The following GPC5 variants were observed in gnomAD, a reference collection of about 807,000 sequenced individuals.
GPC5 encodes the protein glypican-5.
In GPC5, 47 loss-of-function variants were observed where a neutral mutation model predicts 53.9. The ratio of observed to expected loss-of-function variants is 0.87; its 90% CI spans 0.69 to 1.11. The LOEUF (loss-of-function observed/expected upper bound fraction) is 1.11. Among genes scored for constraint, GPC5 ranks in the 50% most tolerant of loss-of-function variants. The pLI, the probability that GPC5 is intolerant of heterozygous loss-of-function variation, is 0.00. For synonymous variants in GPC5, 286 were observed against 263.3 expected (o/e 1.09, Z -0.84); for missense variants, 748 against 713.1 (o/e 1.05, Z -0.56).
At chr13:91,738,530 A>G (rs1594503469) in intron 4 of GPC5, among the ~76,000 whole-genome samples, 2 of 151,410 alleles carry the variant, frequency 1.3e-5, no homozygotes, top group Non-Finnish European at 2.9e-5. Context: ...TCCTGAAGGT[A>G]GCTGGGCTTA....
chr13:92,231,827 G>T (rs894125754), intron 7 of GPC5, among the ~76,000 whole-genome samples: 1 of 152,000 alleles, frequency 6.6e-6, no homozygotes, highest in African/African-American at 2.4e-5. Flanking sequence ...TTAGCTGGGC[G>T]TGGTGATGGG....
chr13:91,935,356 A>G (rs2039860370), intron 6 of GPC5, among the ~76,000 whole-genome samples: 1 of 151,994 alleles, frequency 6.6e-6, no homozygotes, highest in Non-Finnish European at 1.5e-5. Flanking sequence ...TGATTAAGCC[A>G]TGACTGCAGA....
At chr13:91,579,600 ATTTC>A (rs935773434) in intron 2 of GPC5, among the ~76,000 whole-genome samples, 8 of 125,230 alleles carry the variant, frequency 6.4e-5, no homozygotes, top group African/African-American at 2.3e-4. Context: ...GCATCATAAT[ATTTC>A]TTTCTTTCTT....
intron 5 of GPC5, among the ~76,000 whole-genome samples, chr13:91,823,284 G>T (rs1833199755): frequency 6.6e-6 from 1 of 152,018 alleles, no homozygotes; most frequent in Non-Finnish European, 1.5e-5. Context: ...ATCTGGAAAA[G>T]ATTTATAATA....
intron 2 of GPC5, among the ~76,000 whole-genome samples, chr13:91,670,793 A>G (rs2035226971): frequency 6.6e-6 from 1 of 152,206 alleles, no homozygotes; most frequent in South Asian, 2.1e-4. Context: ...CTTCAGCATT[A>G]CTGTCTCTCT....
At chr13:92,632,553 C>A (rs1218998386) in intron 7 of GPC5, among the ~76,000 whole-genome samples, 1 of 149,556 alleles carries the variant, frequency 6.7e-6, no homozygotes, top group African/African-American at 2.5e-5. Flanking sequence ...TTTATATATT[C>A]CAATTCTGCC....
intron 3 of GPC5, among the ~76,000 whole-genome samples, chr13:91,704,495 A>G (rs980308873): frequency 3.3e-5 from 5 of 152,172 alleles, no homozygotes; most frequent in African/African-American, 1.2e-4. Flanking sequence ...TCAGTATTAC[A>G]TACAGCATCA....
chr13:92,355,980 C>T (rs1490192364), intron 7 of GPC5, among the ~76,000 whole-genome samples: 1 of 148,124 alleles, frequency 6.8e-6, no homozygotes, highest in Non-Finnish European at 1.5e-5. Flanking sequence ...CCTGAATATA[C>T]AAACTCCTTT....
chr13:92,710,347 C>T lies in GPC5; in HGVS notation c.1562-155935C>T, dbSNP rs79792450. Among the ~76,000 whole-genome samples the T allele has an allele frequency of 4.1e-3, 626 of 152,076 alleles. 2 individuals carry two copies. The highest frequency in any genetic ancestry group is 7.1e-3 in the South Asian group (34 of 4,820). The stretch of plus-strand genomic sequence containing the variant: ...TTGAAACAGCCTCCAGATAATTTAC[C>T]ATCCTAATGTGACAGAGAAGAAGAG... On this transcript the variant is annotated intron_variant, in intron 7 of 7. Coordinates refer to ENST00000377067, the MANE Select transcript of GPC5 (RefSeq NM_004466.6).
chr13:91,407,591 T>C (rs1022679875), intron 1 of GPC5, among the ~76,000 whole-genome samples: 1 of 152,224 alleles, frequency 6.6e-6, no homozygotes, highest in Non-Finnish European at 1.5e-5. Flanking sequence ...ATAGTATTTT[T>C]CTAGGAGGAA....
chr13:91,550,908 C>T (rs934239857), intron 2 of GPC5, among the ~76,000 whole-genome samples: 1 of 152,154 alleles, frequency 6.6e-6, no homozygotes, highest in African/African-American at 2.4e-5. Context: ...CGTGACTTTG[C>T]TCCTCATTCA....
intron 7 of GPC5, among the ~76,000 whole-genome samples, chr13:92,660,243 G>A (rs1886289472): frequency 6.6e-6 from 1 of 151,706 alleles, no homozygotes; most frequent in African/African-American, 2.4e-5. Flanking sequence ...CATTCATTTT[G>A]GATGCTTGAT....
At chr13:92,451,710 C>T (rs1052474533) in intron 7 of GPC5, among the ~76,000 whole-genome samples, 7 of 152,084 alleles carry the variant, frequency 4.6e-5, no homozygotes, top group Admixed American at 6.5e-5. Context: ...TAATGGGTGT[C>T]GATAGAGACT....
chr13:92,486,861 A>AT (rs71671851), intron 7 of GPC5, among the ~76,000 whole-genome samples: 93,233 of 148,902 alleles, frequency 0.63, 29,131 homozygotes, highest in East Asian at 0.75. Flanking sequence ...GGGGACAGGG[A>AT]TTTTTTTTTT....
intron 2 of GPC5, among the ~76,000 whole-genome samples, chr13:91,684,414 G>A (rs540401627): frequency 1.3e-5 from 2 of 152,106 alleles, no homozygotes; most frequent in South Asian, 2.1e-4. Flanking sequence ...ACACAAACAC[G>A]GAGCCGGCAT....
intron 7 of GPC5, among the ~76,000 whole-genome samples, chr13:92,357,024 A>G (rs1179137636): frequency 6.6e-6 from 1 of 151,986 alleles, no homozygotes; most frequent in Non-Finnish European, 1.5e-5. Flanking sequence ...AACTCCATCC[A>G]TGTTCCTGCA....
chr13:92,672,983 T>C (rs1013190382), intron 7 of GPC5, among the ~76,000 whole-genome samples: 3 of 152,112 alleles, frequency 2.0e-5, no homozygotes, highest in Non-Finnish European at 2.9e-5. Flanking sequence ...CAAACCCCCA[T>C]GACACAAGTT....
At chr13:91,684,945 A>G (rs934362946) in intron 2 of GPC5, among the ~76,000 whole-genome samples, 5 of 152,106 alleles carry the variant, frequency 3.3e-5, no homozygotes, top group African/African-American at 1.2e-4. Context: ...CCTTCTTTGC[A>G]CCTCGTAACC....
intron 7 of GPC5, among the ~76,000 whole-genome samples, chr13:92,424,928 C>G (rs1876764016): frequency 6.6e-6 from 1 of 152,036 alleles, no homozygotes; most frequent in Non-Finnish European, 1.5e-5. Flanking sequence ...ATAGCTCCTG[C>G]TTCAAAGGGC....
Sources: allele counts gnomAD v4.1 joint callset (sites outside exome capture counted in the v4.1 genomes callset), GRCh38; gene constraint gnomAD v4.1.1; transcripts MANE v1.5; gene names NCBI Gene and HGNC (gene_info 2026-07-23, HGNC 2026-07-21).